SHC4: variants seen among roughly 807,000 people sequenced by gnomAD.
The protein encoded by SHC4 is SHC adaptor protein 4, also known as SHC-transforming protein 4.
SHC4 carries 41 observed loss-of-function variants against 69.4 expected under a neutral mutation model. The ratio of observed to expected loss-of-function variants is 0.59; its 90% CI spans 0.46 to 0.77. The LOEUF (loss-of-function observed/expected upper bound fraction) is 0.77. SHC4 is among the 30% of genes least tolerant of loss of function. SHC4 has a pLI of 0.00. For synonymous variants in SHC4, 318 were observed against 299.3 expected, an observed-to-expected ratio of 1.06 and a Z score of -0.64; for missense variants, 777 against 783.8, an observed-to-expected ratio of 0.99 and a Z score of 0.10.
intron 2 of SHC4, among the ~76,000 whole-genome samples, chr15:48,900,852 C>A (rs1198708676): frequency 1.3e-5 from 2 of 152,162 alleles, no homozygotes; most frequent in African/African-American, 2.4e-5. Flanking sequence ...GTTTTAAGAT[C>A]TCTTCCAAAT....
intron 2 of SHC4, among the ~76,000 whole-genome samples, chr15:48,899,631 A>T (rs1327626993): frequency 6.6e-6 from 1 of 151,698 alleles, no homozygotes; most frequent in Non-Finnish European, 1.5e-5. Flanking sequence ...TTTGGCAAAT[A>T]TGTTGTAAAT....
At chr15:48,872,325 A>T (rs1425862667) in intron 4 of SHC4, among the ~76,000 whole-genome samples, 183 bp from the exon 5 acceptor site, 1 of 152,210 alleles carries the variant, frequency 6.6e-6, no homozygotes, top group Non-Finnish European at 1.5e-5. Context: ...TGATTTTGTG[A>T]TGCCCATCTC....
intron 1 of SHC4, among the ~76,000 whole-genome samples, chr15:48,953,945 T>C (rs4775788): frequency 0.24 from 37,179 of 152,150 alleles, 5,417 homozygotes; most frequent in Non-Finnish European, 0.33. Context: ...AATCTGTAGA[T>C]TTAAAAGAGG....
chr15:48,834,058 A>G (rs1424111283), intron 11 of SHC4, among the ~76,000 whole-genome samples: 1 of 152,156 alleles, frequency 6.6e-6, no homozygotes, highest in Non-Finnish European at 1.5e-5. Flanking sequence ...CATTTGTCTC[A>G]AAACTGCCAA....
intron 1 of SHC4, among the ~76,000 whole-genome samples, chr15:48,959,135 A>C (rs553843219): frequency 1.2e-3 from 180 of 152,370 alleles, no homozygotes; most frequent in Middle Eastern, 6.8e-3. Context: ...AGTCCCTATC[A>C]TAAAGAGAAA....
chr15:48,913,983 T>C (rs1470224706), intron 2 of SHC4, among the ~76,000 whole-genome samples: 3 of 152,308 alleles, frequency 2.0e-5, no homozygotes, highest in Admixed American at 2.0e-4. Context: ...GCAATCTGCT[T>C]CCTTCAGAGG....
chr15:48,904,065 G>A (rs1446648098), intron 2 of SHC4, among the ~76,000 whole-genome samples: 2 of 152,042 alleles, frequency 1.3e-5, no homozygotes, highest in Non-Finnish European at 2.9e-5. Context: ...TCTTTATGAA[G>A]ACCTTCCAGA....
rs1062124 is a variant in SHC4 at position 48,825,352 on chromosome 15, A to G, written c.*619T>C. The G allele has an allele frequency of 0.37, 56,748 of 152,064 alleles. 11,420 individuals are homozygous for G. Among genetic ancestry groups the G allele is most frequent in the Middle Eastern group, 0.49 (145 of 294 alleles). 9.4% of individuals were successfully genotyped at this position (152,064 alleles called of 1,614,324 possible). ...TTTAACCAGCAAATGGGACAGTCCA[A>G]TGAAACAGACAGCCATGTTAGTGGC... On this transcript the variant is annotated 3_prime_UTR_variant, in exon 12 of 12. Transcript: ENST00000332408.
At chr15:48,863,664 T>C (rs1191598365) in intron 6 of SHC4, among the ~76,000 whole-genome samples, 1 of 152,246 alleles carries the variant, frequency 6.6e-6, no homozygotes, top group Non-Finnish European at 1.5e-5. Context: ...TTATCAGCAG[T>C]GTTCAAGAAT....
rs774203765 is a variant in SHC4, at chr15:48,843,525, C to T, written c.1367G>A (p.Arg456Gln). 3.2e-5 allele frequency: 52 copies of T among 1,614,042 alleles called. No homozygotes were observed. In the Middle Eastern group the frequency reaches 6.6e-4, roughly 20 times the overall value. ...GCAGGGGTCATCAAAGAGATCCACT[C>T]GGCACGTGTGCTTCAATAATGAGGT... ...RDTSLLKHTCRVDLFDDPCYI... is the reference protein window; with the variant it reads ...RDTSLLKHTCQVDLFDDPCYI... Residue 456 changes from arginine to glutamine, a missense_variant, in exon 10 of 12, where the codon CGA (arginine) becomes CAA (glutamine). By Grantham distance (43) the Arg-to-Gln change is conservative. Transcript: ENST00000332408.
intron 1 of SHC4, among the ~76,000 whole-genome samples, chr15:48,941,655 T>C (rs746377189): frequency 6.6e-6 from 1 of 152,220 alleles, no homozygotes; most frequent in African/African-American, 2.4e-5. Context: ...ATTTTAATTA[T>C]GAATCAGATT....
chr15:48,950,912 C>T (rs1901355387), intron 1 of SHC4, among the ~76,000 whole-genome samples: 1 of 152,110 alleles, frequency 6.6e-6, no homozygotes. Context: ...CTTCCTTGAA[C>T]ACTCCACGGA....
chr15:48,912,402 A>G (rs1439902636), intron 2 of SHC4, among the ~76,000 whole-genome samples: 3 of 152,068 alleles, frequency 2.0e-5, no homozygotes, highest in African/African-American at 7.2e-5. Context: ...AGCATTTCAC[A>G]TTTCTAAAAG....
At chr15:48,851,445 G>A (rs1265720710) in intron 8 of SHC4, among the ~76,000 whole-genome samples, 197 bp from the exon 9 acceptor site, 2 of 152,196 alleles carry the variant, frequency 1.3e-5, no homozygotes, top group Non-Finnish European at 2.9e-5. Context: ...CCTTGGAGCT[G>A]CAGAGTTGGT....
chr15:48,910,079 T>G (rs1900480368), intron 2 of SHC4, among the ~76,000 whole-genome samples: 1 of 149,292 alleles, frequency 6.7e-6, no homozygotes, highest in African/African-American at 2.5e-5. Context: ...TAGAATGAAT[T>G]AACAAGGTAT....
chr15:48,896,192 CTT>C (rs1375244767), intron 2 of SHC4, among the ~76,000 whole-genome samples: 2 of 151,426 alleles, frequency 1.3e-5, no homozygotes, highest in Non-Finnish European at 2.9e-5. Flanking sequence ...CTTTCTTTTT[CTT>C]TCTTTCTTTC....
chr15:48,898,359 C>T (rs1022577132), intron 2 of SHC4, among the ~76,000 whole-genome samples: 1 of 152,164 alleles, frequency 6.6e-6, no homozygotes, highest in African/African-American at 2.4e-5. Flanking sequence ...GGGCATCACC[C>T]GTGTACTCTA....
chr15:48,838,330 T>G (rs1438039457), intron 10 of SHC4, among the ~76,000 whole-genome samples: 2 of 152,218 alleles, frequency 1.3e-5, no homozygotes. Context: ...AAAAGGACCA[T>G]GAGTATTGAT....
At chr15:48,828,256 T>C (rs1274702349) in intron 11 of SHC4, among the ~76,000 whole-genome samples, 1 of 152,192 alleles carries the variant, frequency 6.6e-6, no homozygotes, top group Non-Finnish European at 1.5e-5. Context: ...TTTTTCATCT[T>C]GCATGACTGA....
Sources: gnomAD v4.1 joint callset for allele counts (sites outside exome capture counted in the v4.1 genomes callset) on GRCh38, gnomAD v4.1.1 for gene constraint, MANE v1.5 for transcripts, NCBI Gene and HGNC (gene_info 2026-07-23, HGNC 2026-07-21) for gene names.